ANK1: variants seen among roughly 807,000 people sequenced by gnomAD.
ANK1 encodes the protein ankyrin 1, also known as ankyrin-1.
A neutral mutation model predicts 210.4 loss-of-function variants in ANK1; 51 were observed. That is an observed-to-expected ratio of 0.24 (90% CI 0.19 to 0.31). ANK1 has a LOEUF of 0.31. ANK1 is among the 10% of genes least tolerant of loss of function. The pLI is 1.00. For missense variants in ANK1, 2,051 were observed against 2,504.4 expected, an observed-to-expected ratio of 0.82 and a Z score of 3.86; for synonymous variants, 967 against 1,025.9, an observed-to-expected ratio of 0.94 and a Z score of 1.10.
chr8:41,696,063 T>C (rs998021795), intron 26 of ANK1, among the ~76,000 whole-genome samples: 1 of 152,254 alleles, frequency 6.6e-6, no homozygotes, highest in South Asian at 2.1e-4. Flanking sequence ...TTTTGCTTTT[T>C]ATTTTTTACA....
intron 1 of ANK1, among the ~76,000 whole-genome samples, chr8:41,862,660 C>CAT (rs1247053041): frequency 2.0e-5 from 2 of 99,640 alleles, no homozygotes; most frequent in African/African-American, 7.1e-5. Context: ...GAGGCTCAGA[C>CAT]AAAAAAAAAA....
In ANK1 at chr8:41,770,326, A is replaced by G. The variant is rs185339997; in HGVS notation, c.28-12189T>C. Among the ~76,000 whole-genome samples the G allele has an allele frequency of 1.7e-3, 258 of 152,198 alleles. 1 individual carries two copies. The highest frequency in any genetic ancestry group is 2.3e-3 in the Non-Finnish European group (154 of 68,000). On this transcript the variant is annotated intron_variant, in intron 1 of 42. Transcript: ENST00000289734. Reference sequence around the variant, plus strand: ...ATACATCTGTTCAAATCTTTTGTCCATTTTTAAGTTGGAATGTTTGTTTTC... The same window carrying G: ...ATACATCTGTTCAAATCTTTTGTCCGTTTTTAAGTTGGAATGTTTGTTTTC...
intron 40 of ANK1, among the ~76,000 whole-genome samples, chr8:41,662,475 G>A (rs1808743388): frequency 6.6e-6 from 1 of 152,222 alleles, no homozygotes; most frequent in Non-Finnish European, 1.5e-5. Context: ...ACCAAGGTGT[G>A]ACTGGGTGTG....
In ANK1 at chr8:41,690,493, C is replaced by A; in HGVS notation, c.3965G>T (p.Arg1322Leu). 6 of 1,614,200 alleles carry A rather than the reference C, an allele frequency of 3.7e-6. No individual in the cohort carries two copies. Among genetic ancestry groups the A allele is most frequent in the Non-Finnish European group, 5.1e-6 (6 of 1,180,034 alleles). ...CGGCACCTTTACAGGCATGGCCAGA[C>A]GGTTCTCCCGAAATGACTGGAAGTG... ...SFHFQSFRENRLAMPVKVRDS... is the reference protein window; with the variant it reads ...SFHFQSFRENLLAMPVKVRDS... The change falls in exon 32 of 43, where the codon CGT becomes CTT. Residue 1322 changes from arginine (R) to leucine (L), a missense_variant. Around this residue, in one of 6 missense-constraint regions of ANK1, gnomAD observed 1,413 missense variants for 1,707.4 expected, o/e 0.83. Transcript: ENST00000289734.
chr8:41,714,044 GC>G, intron 16 of ANK1, 111 bp downstream of exon 16: 1 of 700,580 alleles, frequency 1.4e-6, no homozygotes, highest in Non-Finnish European at 2.0e-6. Context: ...GGTAAAAATA[GC>G]AACAGAACGC....
In ANK1 at chr8:41,825,857, G is replaced by A. The variant is rs550365589; in HGVS notation, c.127-67720C>T. Among the ~76,000 whole-genome samples the A allele has an allele frequency of 1.6e-4, 24 of 152,206 alleles. No homozygotes were observed. In the East Asian group the frequency reaches 1.9e-3, roughly 12 times the overall value. ...CCCTGCACATGTTCTCTTGCCTGCCGCCATGTAAGATGTGCCTTTGCTCTC... is the reference window on the plus strand; with the variant it reads ...CCCTGCACATGTTCTCTTGCCTGCCACCATGTAAGATGTGCCTTTGCTCTC... On this transcript the variant is annotated intron_variant, in intron 1 of 42. Transcript: ENST00000265709.
intron 1 of ANK1, among the ~76,000 whole-genome samples, chr8:41,859,324 TTTTGTTTGTTTGTG>T (rs1812815385): frequency 6.6e-6 from 1 of 151,766 alleles, no homozygotes; most frequent in Non-Finnish European, 1.5e-5. Flanking sequence ...TTTAGTTATT[TTTTGTTTGTTTGTG>T]TTTGTTTGTT....
At chr8:41,822,598 C>T (rs1804654199) in intron 1 of ANK1, among the ~76,000 whole-genome samples, 1 of 152,150 alleles carries the variant, frequency 6.6e-6, no homozygotes, top group Non-Finnish European at 1.5e-5. Context: ...AATGTGGATA[C>T]ACAGAAGCTC....
chr8:41,786,966 GT>G (rs1846537990), intron 1 of ANK1, among the ~76,000 whole-genome samples: 2 of 152,220 alleles, frequency 1.3e-5, no homozygotes, highest in African/African-American at 4.8e-5. Context: ...AGGTTGACAT[GT>G]TTTCATGGTT....
chr8:41,717,850 G>A (rs1828136996), intron 11 of ANK1, 148 bp from the exon 12 acceptor site: 1 of 938,256 alleles, frequency 1.1e-6, no homozygotes, highest in African/African-American at 1.7e-5. Context: ...GAAAATGGTT[G>A]GAGAAAAAAA....
chr8:41,694,216 C>T lies in ANK1; in HGVS notation c.3328-114G>A. The T allele has an allele frequency of 8.7e-7, 1 of 1,143,048 alleles. No homozygotes were observed. 70.8% of individuals were successfully genotyped at this position (1,143,048 alleles called of 1,614,324 possible). On this transcript the variant is annotated intron_variant, in intron 28 of 42. Transcript: ENST00000289734. This position sits in a 1 kb window ranked among gnomAD's most constrained non-coding sequence, Gnocchi z 5.7. The stretch of plus-strand genomic sequence containing the variant: ...CGTCAGTGCACGGGGTCCCGCCCTG[C>T]TGTTGGACCACAGAACCGACACGGT...
At chr8:41,751,306 G>A (rs117299250) in intron 2 of ANK1, among the ~76,000 whole-genome samples, 357 of 152,276 alleles carry the variant, frequency 2.3e-3, no homozygotes, top group East Asian at 4.1e-3. Context: ...TATGCCAGGC[G>A]CTGTGGAGAA....
Position 41,654,391 on chromosome 8 carries a change from G to T in ANK1, c.*1399C>A, listed in dbSNP as rs1038620920. On this transcript the variant is annotated 3_prime_UTR_variant, in exon 43 of 43. Coordinates refer to ENST00000289734, the MANE Select transcript of ANK1 (RefSeq NM_000037.4). ...GGCCATGCGGTCCGGGGAGCCCCCT[G>T]GCTCGCCTCTCCAAGAGGCCACAGG... is the stretch of plus-strand genomic sequence containing the variant. 5.2e-5 allele frequency: 8 copies of T among 152,800 alleles called. No homozygotes were observed. The highest frequency in any genetic ancestry group is 2.1e-4 in the South Asian group (1 of 4,828). 9.5% of individuals were successfully genotyped at this position (152,800 alleles called of 1,614,324 possible).
intron 2 of ANK1, among the ~76,000 whole-genome samples, chr8:41,744,203 A>C (rs922920076): frequency 2.0e-5 from 3 of 152,216 alleles, no homozygotes; most frequent in Admixed American, 6.5e-5. Flanking sequence ...CCATGAGTCC[A>C]AACAGCTCTA....
rs112451551 is a variant in ANK1 at position 41,695,247 on chromosome 8, G to T, written c.3045C>A (p.Ser1015=). The T allele has an allele frequency of 2.5e-6, 4 of 1,614,014 alleles. No individual in the cohort carries two copies. Among genetic ancestry groups the T allele is most frequent in the Non-Finnish European group, 3.4e-6 (4 of 1,180,020 alleles). Residue 1015 remains serine, a synonymous_variant, in exon 27 of 43, where the codon TCC becomes TCA. Transcript: ENST00000289734. ...AGCGGCTCCTGTGCTCCTTCCACAC[G>T]GAGCCGTTTTCGCTCCTCAGAACCA... The part of the protein sequence containing the change: ...ELVVLRSENG[S]VWKEHRSRYG...
chr8:41,719,748 G>A lies in ANK1; in HGVS notation c.1020C>T (p.Thr340=). The A allele has an allele frequency of 6.2e-7, 1 of 1,614,232 alleles. No homozygotes were observed. Residue 340 remains threonine, a synonymous_variant, in exon 10 of 43, where the codon ACC becomes ACT. Transcript: ENST00000289734. ...CACAGTGGGCAGCCACGTGGAGTGGGGTCAGGTGGTCCAGGGTGATGTCGT... is the reference window on the plus strand; with the variant it reads ...CACAGTGGGCAGCCACGTGGAGTGGAGTCAGGTGGTCCAGGGTGATGTCGT... ...EIDDITLDHL[T]PLHVAAHCGH... is the part of the protein sequence containing the mutation.
At chr8:41,862,469 G>A (rs913035405) in intron 1 of ANK1, among the ~76,000 whole-genome samples, 1 of 152,250 alleles carries the variant, frequency 6.6e-6, no homozygotes. Flanking sequence ...TCCCAGGTCA[G>A]ACTGGAGAAG....
At chr8:41,836,933 A>AC in intron 1 of ANK1, among the ~76,000 whole-genome samples, 1 of 151,846 alleles carries the variant, frequency 6.6e-6, no homozygotes, top group African/African-American at 2.4e-5. Flanking sequence ...GGAAAAAAAA[A>AC]AAAAAAACAA....
chr8:41,766,866 C>T (rs922408321), intron 1 of ANK1, among the ~76,000 whole-genome samples: 7 of 152,222 alleles, frequency 4.6e-5, no homozygotes, highest in Non-Finnish European at 8.8e-5. Flanking sequence ...GGGCGCCTCA[C>T]GTTTCTGAGT....
Sources: allele counts gnomAD v4.1 joint callset (sites outside exome capture counted in the v4.1 genomes callset), GRCh38; gene constraint gnomAD v4.1.1; regional missense constraint gnomAD v4.1.1; non-coding constraint Gnocchi (gnomAD v3.1); transcripts MANE v1.5; gene names NCBI Gene and HGNC (gene_info 2026-07-23, HGNC 2026-07-21).